SMIM13: variants seen among roughly 807,000 people sequenced by gnomAD.
SMIM13 encodes UPF0766 protein C6orf228.
SMIM13 carries 3 observed loss-of-function variants against 5.9 expected under a neutral mutation model. That is an observed-to-expected ratio of 0.51 (90% CI 0.23 to 1.31). The LOEUF is 1.31. Ranked by LOEUF, SMIM13 falls within the 40% of genes most tolerant of loss-of-function variation. The pLI, the probability that SMIM13 is intolerant of heterozygous loss-of-function variation, is 0.18. For synonymous variants in SMIM13, 55 were observed against 46.0 expected (o/e 1.19, Z -0.79); for missense variants, 85 against 109.9 (o/e 0.77, Z 1.01).
Position 11,136,428 on chromosome 6 carries a change from A to G in SMIM13, c.*1826A>G, listed in dbSNP as rs1280220657. 6.6e-6 allele frequency: 1 copy of G among 152,112 alleles called. No individual in the cohort carries two copies. The highest frequency in any genetic ancestry group is 1.9e-4 in the East Asian group (1 of 5,200). The allele number at this position is 152,112 out of a possible 1,614,324, so 9.4% of individuals were successfully genotyped here. A position where few individuals can be genotyped will look rare whatever the true frequency, so the allele number is the denominator to read the frequency against. On this transcript the variant is annotated 3_prime_UTR_variant, in exon 2 of 2. Transcript: ENST00000416247. ...CCAAGTTCTTTTTATGTTTTTCTTAACCTTTATTAAGGACTAGTCATCACA... is the reference window on the plus strand; with the variant it reads ...CCAAGTTCTTTTTATGTTTTTCTTAGCCTTTATTAAGGACTAGTCATCACA...
intron 1 of SMIM13, among the ~76,000 whole-genome samples, chr6:11,119,430 G>A (rs984930349): frequency 1.3e-5 from 2 of 152,082 alleles, no homozygotes; most frequent in Admixed American, 6.5e-5. Flanking sequence ...CGAGACAGGC[G>A]AATCACGAGG....
At chr6:11,111,522 G>A (rs1581915128) in intron 1 of SMIM13, among the ~76,000 whole-genome samples, 1 of 152,312 alleles carries the variant, frequency 6.6e-6, no homozygotes, top group East Asian at 1.9e-4. Context: ...TTCGGGGTGA[G>A]CAGAGAGAGC....
intron 1 of SMIM13, among the ~76,000 whole-genome samples, chr6:11,096,795 G>A (rs894023145): frequency 6.6e-6 from 1 of 152,080 alleles, no homozygotes; most frequent in African/African-American, 2.4e-5. Flanking sequence ...TGCCACCCGG[G>A]TTCAAGCAAT....
At chr6:11,120,619 T>C (rs1758297249) in intron 1 of SMIM13, among the ~76,000 whole-genome samples, 1 of 152,208 alleles carries the variant, frequency 6.6e-6, no homozygotes, top group Admixed American at 6.5e-5. Flanking sequence ...CTACAGCAAG[T>C]AGCAAAATCG....
At chr6:11,126,157 C>T (rs150174858) in intron 1 of SMIM13, among the ~76,000 whole-genome samples, 3,478 of 152,312 alleles carry the variant, frequency 0.023, 63 homozygotes, top group Middle Eastern at 0.037. Flanking sequence ...TCAAGCAATT[C>T]TCCTGCCTCA....
intron 1 of SMIM13, among the ~76,000 whole-genome samples, chr6:11,119,383 G>A (rs556939679): frequency 3.9e-5 from 6 of 152,202 alleles, no homozygotes; most frequent in Non-Finnish European, 5.9e-5. Context: ...GGCCGGGCTC[G>A]GTGGCTCACG....
At chr6:11,106,133 C>G (rs1264594017) in intron 1 of SMIM13, among the ~76,000 whole-genome samples, 1 of 152,152 alleles carries the variant, frequency 6.6e-6, no homozygotes, top group Admixed American at 6.5e-5. Flanking sequence ...AAGGATGGAC[C>G]ATTGTCATTC....
At position 11,128,544 on chromosome 6, in the gene SMIM13, G is replaced by T. The variant is rs139527578; in HGVS notation, c.77-5859G>T. ...GCCCCAGGTGGTGTCTCACTAGGTT[G>T]TGTGCCCTCTAAGTCCACTGGCTCC... On this transcript the variant is annotated intron_variant, in intron 1 of 1. Coordinates refer to ENST00000416247, the MANE Select transcript of SMIM13 (RefSeq NM_001135575.2). 7.2e-5 allele frequency among the ~76,000 whole-genome samples: 11 copies of T among 152,264 alleles called. No individual in the cohort carries two copies. In the East Asian group the frequency reaches 1.9e-3, roughly 27 times the overall value.
chr6:11,099,305 G>A (rs6940178), intron 1 of SMIM13, among the ~76,000 whole-genome samples: 1 of 152,098 alleles, frequency 6.6e-6, no homozygotes, highest in Non-Finnish European at 1.5e-5. Context: ...CTCCCGAGTA[G>A]CTGAGATTAT....
chr6:11,118,647 A>G (rs1366364987), intron 1 of SMIM13, among the ~76,000 whole-genome samples: 1 of 152,230 alleles, frequency 6.6e-6, no homozygotes, highest in East Asian at 1.9e-4. Context: ...AGGTAATAGT[A>G]TTGTAGAACG....
Position 11,135,962 on chromosome 6 carries a change from G to T in SMIM13, c.*1360G>T, listed in dbSNP as rs1758512946. ...TTTAAGATAGCAGTTATTTATTGGG[G>T]AATTTGATTCTGACTCTTACAATGT... On this transcript the variant is annotated 3_prime_UTR_variant, in exon 2 of 2. Transcript: ENST00000416247. The T allele has an allele frequency of 6.6e-6, 1 of 152,110 alleles. No homozygotes were observed. The highest frequency in any genetic ancestry group is 6.5e-5 in the Admixed American group (1 of 15,270). The allele number at this position is 152,110 out of a possible 1,614,324, so 9.4% of individuals were successfully genotyped here. A position where few individuals can be genotyped will look rare whatever the true frequency, so the allele number is the denominator to read the frequency against.
chr6:11,109,298 C>T (rs987642649), intron 1 of SMIM13, among the ~76,000 whole-genome samples: 1 of 152,158 alleles, frequency 6.6e-6, no homozygotes, highest in Non-Finnish European at 1.5e-5. Context: ...TAATTTGGCT[C>T]AGGTCTTGCA....
intron 1 of SMIM13, among the ~76,000 whole-genome samples, chr6:11,096,757 T>C (rs931970208): frequency 1.3e-5 from 2 of 152,054 alleles, no homozygotes; most frequent in African/African-American, 4.8e-5. Context: ...TGGAGTGCAA[T>C]GGCGTGATCT....
At chr6:11,104,467 G>A (rs1320246812) in intron 1 of SMIM13, 2 of 1,552,322 alleles carry the variant, frequency 1.3e-6, no homozygotes, top group East Asian at 2.4e-5. Context: ...TGAAATAAGG[G>A]GGTGAGGGAG....
intron 1 of SMIM13, among the ~76,000 whole-genome samples, chr6:11,124,430 T>C (rs1758350299): frequency 6.6e-6 from 1 of 152,238 alleles, no homozygotes; most frequent in Non-Finnish European, 1.5e-5. Flanking sequence ...AAATCTTGAC[T>C]ATTGTGAATA....
chr6:11,111,473 T>C (rs1303132519), intron 1 of SMIM13, among the ~76,000 whole-genome samples: 2 of 152,158 alleles, frequency 1.3e-5, no homozygotes, highest in African/African-American at 4.8e-5. Context: ...GTCTACTTAG[T>C]GCAGACTCCA....
chr6:11,098,250 CTCAT>C (rs1561750279), intron 1 of SMIM13, among the ~76,000 whole-genome samples: 1 of 152,222 alleles, frequency 6.6e-6, no homozygotes, highest in African/African-American at 2.4e-5. Context: ...TTTCTCACCT[CTCAT>C]TCATTCCAAG....
chr6:11,120,872 T>C (rs140145299), intron 1 of SMIM13, among the ~76,000 whole-genome samples: 1 of 152,330 alleles, frequency 6.6e-6, no homozygotes, highest in Non-Finnish European at 1.5e-5. Context: ...TGTGAACTGA[T>C]AACTGTGTAA....
intron 1 of SMIM13, among the ~76,000 whole-genome samples, chr6:11,126,986 C>G (rs1220428587): frequency 6.6e-6 from 1 of 152,180 alleles, no homozygotes; most frequent in Non-Finnish European, 1.5e-5. Flanking sequence ...TTCCCCCAAA[C>G]AAATGGAGTC....
Sources: allele counts gnomAD v4.1 joint callset (sites outside exome capture counted in the v4.1 genomes callset), GRCh38; gene constraint gnomAD v4.1.1; transcripts MANE v1.5; gene names NCBI Gene and HGNC (gene_info 2026-07-23, HGNC 2026-07-21).